Variants in USP34 observed in about 807,000 individuals in gnomAD.
USP34 encodes the protein ubiquitin carboxyl-terminal hydrolase 34.
USP34 carries 70 observed loss-of-function variants against 460.3 expected under a neutral mutation model. That is an observed-to-expected ratio of 0.15 (90% CI 0.13 to 0.19). The LOEUF is 0.19. Among genes scored for constraint, USP34 ranks in the 10% least tolerant of loss-of-function variants. USP34 has a pLI of 1.00. For synonymous variants in USP34, 1,647 were observed against 1,405.3 expected, an observed-to-expected ratio of 1.17 and a Z score of -3.85; for missense variants, 3,985 against 4,236.2, an observed-to-expected ratio of 0.94 and a Z score of 1.65.
intron 3 of USP34, among the ~76,000 whole-genome samples, chr2:61,404,937 C>T (rs1168445149): frequency 6.6e-6 from 1 of 151,970 alleles, no homozygotes; most frequent in African/African-American, 2.4e-5. Flanking sequence ...AAAGAAAATA[C>T]TATTACTTAG....
rs536214007 is a variant in USP34, at chr2:61,462,254, A to G, written c.43+8396T>C. 5.6e-3 allele frequency among the ~76,000 whole-genome samples: 846 copies of G among 150,768 alleles called. 9 individuals are homozygous for G. The highest frequency in any genetic ancestry group is 0.02 in the African/African-American group (810 of 41,010). ...GACTCCATCTCAGGGGGAAAAAAAA[A>G]AAAAAGAAAATCAGCCAGGCGTGGT... is the stretch of plus-strand genomic sequence containing the variant. On this transcript the variant is annotated intron_variant, in intron 1 of 79. Coordinates refer to ENST00000398571, the MANE Select transcript of USP34 (RefSeq NM_014709.4).
At chr2:61,223,784 C>CT (rs1558475053) in intron 62 of USP34, 2 of 153,588 alleles carry the variant, frequency 1.3e-5, no homozygotes, top group African/African-American at 4.8e-5. Flanking sequence ...GGGGATCCTT[C>CT]TATGTAACCA....
intron 18 of USP34, among the ~76,000 whole-genome samples, chr2:61,336,089 A>G (rs1265187525): frequency 1.3e-5 from 2 of 152,040 alleles, no homozygotes; most frequent in African/African-American, 4.8e-5. Context: ...AATGCCATAT[A>G]TAATATAGTC....
chr2:61,247,956 G>T (rs1299685063), intron 49 of USP34, among the ~76,000 whole-genome samples: 2 of 152,100 alleles, frequency 1.3e-5, no homozygotes, highest in Non-Finnish European at 2.9e-5. Context: ...GGAGGCCAAT[G>T]CAGGTGGATT....
chr2:61,322,325 A>T (rs1274186205), intron 21 of USP34, among the ~76,000 whole-genome samples: 1 of 152,220 alleles, frequency 6.6e-6, no homozygotes, highest in African/African-American at 2.4e-5. Flanking sequence ...GCAACATATC[A>T]GAGGACATAA....
At position 61,214,446 on chromosome 2, in the gene USP34, T is replaced by C. The variant is rs762713046; in HGVS notation, c.8296A>G (p.Lys2766Glu). ...FSFMTYCLISKTEKLMFSTYF... is the reference protein window; with the variant it reads ...FSFMTYCLISETEKLMFSTYF... ...GTGGAAAACATCAGCTTCTCAGTTT[T>C]GGAAATTAAACAGTAAGTCATAAAG... Residue 2766 changes from lysine (K) to glutamate (E), a missense_variant, in exon 68 of 80, where the codon AAA (lysine) becomes GAA (glutamate). Transcript: ENST00000398571. The C allele has an allele frequency of 1.2e-6, 2 of 1,614,200 alleles. No individual in the cohort carries two copies. Among genetic ancestry groups the C allele is most frequent in the Non-Finnish European group, 1.7e-6 (2 of 1,180,032 alleles).
At chr2:61,296,277 TAAA>T (rs1397587329) in intron 30 of USP34, among the ~76,000 whole-genome samples, 36 of 151,986 alleles carry the variant, frequency 2.4e-4, no homozygotes, top group African/African-American at 6.5e-4. Context: ...AATAAATAAA[TAAA>T]TAAATTAAAA....
intron 2 of USP34, among the ~76,000 whole-genome samples, chr2:61,415,055 C>T (rs1694153102): frequency 6.6e-6 from 1 of 152,118 alleles, no homozygotes; most frequent in Non-Finnish European, 1.5e-5. Flanking sequence ...AGCGGGGTAG[C>T]CTCCGGTCCT....
At chr2:61,381,132 G>C (rs1159033210) in intron 6 of USP34, among the ~76,000 whole-genome samples, 6 of 150,798 alleles carry the variant, frequency 4.0e-5, no homozygotes, top group Admixed American at 4.0e-4. Flanking sequence ...TTTATCTGCT[G>C]ACCTTCCCTC....
intron 67 of USP34, among the ~76,000 whole-genome samples, chr2:61,219,670 C>CA (rs1264885020): frequency 0.074 from 5,794 of 78,334 alleles, 187 homozygotes; most frequent in African/African-American, 0.15. Flanking sequence ...GACTCTGTCT[C>CA]AAAAAAAAAA....
Position 61,288,683 on chromosome 2 carries a change from T to A in USP34, c.4743A>T (p.Leu1581Phe). Residue 1581 changes from leucine (L) to phenylalanine (F), a missense_variant, in exon 34 of 80, where the codon TTA becomes TTT. Transcript: ENST00000398571. ...DHAKGLHIPR[L>F]TEVFLVLVQG... ...ATTAATTTCTGCACTTTACCTCTGTTAATCGTGGTATATGAAGACCCTTAG... is the reference window on the plus strand; with the variant it reads ...ATTAATTTCTGCACTTTACCTCTGTAAATCGTGGTATATGAAGACCCTTAG... 1 of 1,613,740 alleles carries A rather than the reference T, an allele frequency of 6.2e-7. No homozygotes were observed. Among genetic ancestry groups the A allele is most frequent in the Non-Finnish European group, 8.5e-7 (1 of 1,179,838 alleles).
chr2:61,240,584 T>C (rs2103856292), intron 53 of USP34, among the ~76,000 whole-genome samples: 3 of 152,004 alleles, frequency 2.0e-5, no homozygotes, highest in Middle Eastern at 3.4e-3. Flanking sequence ...AGCCCATTTT[T>C]TTTTTTTGAG....
chr2:61,190,114 A>C (rs1686587422), intron 78 of USP34, 157 bp downstream of exon 78: 1 of 889,834 alleles, frequency 1.1e-6, no homozygotes, highest in Non-Finnish European at 1.7e-6. Context: ...CATACAAGGC[A>C]TAGTAAACGT....
intron 3 of USP34, among the ~76,000 whole-genome samples, chr2:61,398,137 GCTGA>G (rs1225019083): frequency 1.3e-5 from 2 of 152,040 alleles, no homozygotes; most frequent in Non-Finnish European, 2.9e-5. Context: ...ACTGTGGGAG[GCTGA>G]CTGCTTGAAC....
intron 3 of USP34, among the ~76,000 whole-genome samples, chr2:61,401,326 C>A (rs1362718914): frequency 1.3e-5 from 2 of 151,784 alleles, no homozygotes; most frequent in Non-Finnish European, 2.9e-5. Context: ...GCAGCTTTGA[C>A]CTCCTGGCTC....
intron 51 of USP34, among the ~76,000 whole-genome samples, chr2:61,244,529 A>C (rs1688368527): frequency 6.6e-6 from 1 of 151,650 alleles, no homozygotes; most frequent in African/African-American, 2.4e-5. Context: ...ACTCGAGAAT[A>C]GCTGGAACCC....
intron 5 of USP34, among the ~76,000 whole-genome samples, chr2:61,387,861 A>G (rs1693210782): frequency 6.7e-6 from 1 of 150,134 alleles, no homozygotes; most frequent in Middle Eastern, 3.5e-3. Flanking sequence ...GTAAAAATAT[A>G]TATTTTTACG....
rs745779015 is a variant in USP34 at position 61,314,581 on chromosome 2, T to C, written c.3542+4A>G. 6.8e-7 allele frequency: 1 copy of C among 1,476,910 alleles called. No individual in the cohort carries two copies. Among genetic ancestry groups the C allele is most frequent in the Non-Finnish European group, 9.0e-7 (1 of 1,116,514 alleles). 91.5% of individuals were successfully genotyped at this position (1,476,910 alleles called of 1,614,324 possible). ...TTCTAACAGTGTGATATTTTAAAAA[T>C]TACCTTCTCCTAAACGCTTCCAGAT... On this transcript the variant is annotated splice_donor_region_variant and intron_variant, in intron 25 of 79. Transcript: ENST00000398571.
At position 61,313,164 on chromosome 2, in the gene USP34, A is replaced by G. The variant is rs557686763; in HGVS notation, c.3543-1254T>C. ...TACTAGTAACAAAAAATTTTTATATAAACTATTTAACATCAACATTAACTT... is the reference window on the plus strand; with the variant it reads ...TACTAGTAACAAAAAATTTTTATATGAACTATTTAACATCAACATTAACTT... On this transcript the variant is annotated intron_variant, in intron 25 of 79. Transcript: ENST00000398571. Among the ~76,000 whole-genome samples the G allele has an allele frequency of 1.3e-5, 2 of 152,258 alleles. 1 individual carries two copies. The highest frequency in any genetic ancestry group is 4.1e-4 in the South Asian group (2 of 4,826).
Sources: allele counts gnomAD v4.1 joint callset (sites outside exome capture counted in the v4.1 genomes callset), GRCh38; gene constraint gnomAD v4.1.1; transcripts MANE v1.5; gene names NCBI Gene and HGNC (gene_info 2026-07-23, HGNC 2026-07-21).